The following ZCCHC14 variants were observed in gnomAD, a reference collection of about 807,000 sequenced individuals.
ZCCHC14 encodes zinc finger CCHC domain-containing protein 14.
Under a neutral mutation model 85.0 loss-of-function variants are expected in ZCCHC14, and 16 were observed. That is an observed-to-expected ratio of 0.19 (90% CI 0.13 to 0.29). The LOEUF is 0.29. Ranked by LOEUF, ZCCHC14 falls within the 10% of genes least tolerant of loss-of-function variation. The pLI is 1.00. For missense variants in ZCCHC14, 1,303 were observed against 1,443.5 expected, an observed-to-expected ratio of 0.90 and a Z score of 1.58; for synonymous variants, 775 against 630.7, an observed-to-expected ratio of 1.23 and a Z score of -3.43.
At chr16:87,456,938 T>C (rs1673957026) in intron 2 of ZCCHC14, among the ~76,000 whole-genome samples, 1 of 152,226 alleles carries the variant, frequency 6.6e-6, no homozygotes, top group Non-Finnish European at 1.5e-5. Context: ...TTATAATTCC[T>C]CAAAGTCCAA....
At chr16:87,450,051 A>C (rs1046816813) in intron 2 of ZCCHC14, among the ~76,000 whole-genome samples, 1 of 152,188 alleles carries the variant, frequency 6.6e-6, no homozygotes, top group Non-Finnish European at 1.5e-5. Context: ...TGTCTCAAAA[A>C]ACAAAGAGAA....
intron 2 of ZCCHC14, among the ~76,000 whole-genome samples, chr16:87,451,702 G>A (rs1910713956): frequency 6.6e-6 from 1 of 152,226 alleles, no homozygotes; most frequent in Non-Finnish European, 1.5e-5. Context: ...CTGGGCAGAG[G>A]GATGCTACAG....
chr16:87,470,597 A>T (rs1911733934), intron 1 of ZCCHC14: 1 of 152,194 alleles, frequency 6.6e-6, no homozygotes, highest in Non-Finnish European at 1.5e-5. Flanking sequence ...TCAATCAGCG[A>T]TGTAGTCAAA....
chr16:87,426,545 C>G (rs936769632), intron 3 of ZCCHC14, among the ~76,000 whole-genome samples: 1 of 152,220 alleles, frequency 6.6e-6, no homozygotes, highest in Non-Finnish European at 1.5e-5. Flanking sequence ...CTCCGGCTCA[C>G]TGTGGACTGG....
At chr16:87,452,846 T>A (rs1910771084) in intron 2 of ZCCHC14, among the ~76,000 whole-genome samples, 1 of 152,118 alleles carries the variant, frequency 6.6e-6, no homozygotes, top group South Asian at 2.1e-4. Flanking sequence ...GTGGTGCAGC[T>A]GAAAGAAACA....
intron 2 of ZCCHC14, among the ~76,000 whole-genome samples, chr16:87,437,687 A>C (rs889152525): frequency 1.2e-4 from 18 of 152,264 alleles, no homozygotes; most frequent in Non-Finnish European, 1.3e-4. Flanking sequence ...TTGTCTGTTC[A>C]AACCTTTCTT....
At chr16:87,477,061 G>T (rs1209554334) in intron 1 of ZCCHC14, among the ~76,000 whole-genome samples, 2 of 143,766 alleles carry the variant, frequency 1.4e-5, no homozygotes, top group African/African-American at 5.2e-5. Context: ...GGAGGCAGAG[G>T]TTGCAGTGAG....
chr16:87,431,929 C>A (rs1051343435), intron 3 of ZCCHC14, among the ~76,000 whole-genome samples: 8 of 152,192 alleles, frequency 5.3e-5, no homozygotes, highest in African/African-American at 1.9e-4. Context: ...ATCACAGGCA[C>A]CAGCAACCTC....
intron 1 of ZCCHC14, chr16:87,467,042 A>C: frequency 2.6e-6 from 1 of 389,254 alleles, no homozygotes; most frequent in Non-Finnish European, 4.4e-6. Context: ...AAAAAAAAAA[A>C]TTGTTTTTTT....
At chr16:87,411,364 C>A in intron 12 of ZCCHC14, 152 bp downstream of exon 12, 5 of 1,506,358 alleles carry the variant, frequency 3.3e-6, no homozygotes, top group Middle Eastern at 1.8e-4. Flanking sequence ...GGGGACCTCA[C>A]GGCCTATCAT....
rs1912802004 is a variant in ZCCHC14 at position 87,492,279 on chromosome 16, G to T, written c.-41C>A. On this transcript the variant is annotated 5_prime_UTR_variant, in exon 1 of 13. Coordinates refer to ENST00000671377, the MANE Select transcript of ZCCHC14 (RefSeq NM_015144.3). This position sits in a 1 kb window ranked among gnomAD's most constrained non-coding sequence, Gnocchi z 6.7. ...GCGCCGCGACCCGGGGCCGGGGACC[G>T]CGCGGGGGCGGCCGGGGGGCGCCGG... 2.0e-6 allele frequency: 2 copies of T among 976,070 alleles called. No individual in the cohort carries two copies. The highest frequency in any genetic ancestry group is 1.8e-5 in the African/African-American group (1 of 56,364). 60.5% of individuals were successfully genotyped at this position (976,070 alleles called of 1,614,324 possible). A position where few individuals can be genotyped will look rare whatever the true frequency, so the allele number is the denominator to read the frequency against.
chr16:87,462,737 CA>C (rs78208689), intron 1 of ZCCHC14, among the ~76,000 whole-genome samples: 113,512 of 143,430 alleles, frequency 0.79, 44,163 homozygotes, highest in Non-Finnish European at 0.84. Flanking sequence ...CTCTATCTCA[CA>C]AAAAAAAAAA....
intron 2 of ZCCHC14, among the ~76,000 whole-genome samples, chr16:87,448,722 C>G (rs985916600): frequency 1.3e-5 from 2 of 152,172 alleles, no homozygotes; most frequent in African/African-American, 4.8e-5. Context: ...AATGCAATAT[C>G]CCCTCAGCCT....
At chr16:87,461,210 C>A (rs1440186153) in intron 1 of ZCCHC14, among the ~76,000 whole-genome samples, 1 of 152,244 alleles carries the variant, frequency 6.6e-6, no homozygotes, top group Non-Finnish European at 1.5e-5. Context: ...TCCCACCCCT[C>A]CTGCTTCCTG....
intron 2 of ZCCHC14, among the ~76,000 whole-genome samples, chr16:87,434,379 G>C (rs1001376309): frequency 6.6e-6 from 1 of 152,072 alleles, no homozygotes. Flanking sequence ...CACTTCCCAG[G>C]CGCCAGGAGC....
intron 2 of ZCCHC14, among the ~76,000 whole-genome samples, chr16:87,434,755 G>C (rs1254385727): frequency 1.3e-5 from 2 of 152,182 alleles, no homozygotes; most frequent in South Asian, 4.1e-4. Flanking sequence ...ACTTTGGGGG[G>C]CCGAGGCAGG....
intron 1 of ZCCHC14, among the ~76,000 whole-genome samples, chr16:87,479,943 CTT>C (rs566423964): frequency 6.8e-6 from 1 of 146,352 alleles, no homozygotes. Flanking sequence ...TCTTCTTTTT[CTT>C]TTTTTTTTTA....
At chr16:87,490,731 T>G (rs923095389) in intron 1 of ZCCHC14, among the ~76,000 whole-genome samples, 2 of 152,158 alleles carry the variant, frequency 1.3e-5, no homozygotes, top group African/African-American at 4.8e-5. Context: ...CTGGGAGTCT[T>G]TTTCTGTCTG....
At chr16:87,423,702 G>T (rs1015893116) in intron 4 of ZCCHC14, 108 bp downstream of exon 4, 1 of 1,280,176 alleles carries the variant, frequency 7.8e-7, no homozygotes, top group Non-Finnish European at 1.1e-6. Context: ...CCCTGCGCAC[G>T]CTCACTCGCT....
Sources: gnomAD v4.1 joint callset for allele counts (sites outside exome capture counted in the v4.1 genomes callset) on GRCh38, gnomAD v4.1.1 for gene constraint, Gnocchi (gnomAD v3.1) non-coding constraint, MANE v1.5 for transcripts, NCBI Gene and HGNC (gene_info 2026-07-23, HGNC 2026-07-21) for gene names.